FHIP2A: variants seen among roughly 807,000 people sequenced by gnomAD.
FHIP2A encodes the protein family with sequence similarity 160 member B1.
In FHIP2A, 46 loss-of-function variants were observed where a neutral mutation model predicts 93.5. That is an observed-to-expected ratio of 0.49 (90% CI 0.39 to 0.63). The LOEUF (loss-of-function observed/expected upper bound fraction) is 0.63, where lower values mean the gene tolerates loss of function less well. Among genes scored for constraint, FHIP2A ranks in the 20% least tolerant of loss-of-function variants. The pLI is 0.00. For missense variants in FHIP2A, 769 were observed against 909.7 expected (o/e 0.85, Z 1.99); for synonymous variants, 332 against 326.5 (o/e 1.02, Z -0.18).
At chr10:114,839,199 C>T (rs945312763) in intron 5 of FHIP2A, among the ~76,000 whole-genome samples, 1 of 152,114 alleles carries the variant, frequency 6.6e-6, no homozygotes, top group African/African-American at 2.4e-5. Flanking sequence ...GCAATCTCGG[C>T]TCACTGCAGC....
At chr10:114,867,168 C>T (rs950555300), downstream of FHIP2A, among the ~76,000 whole-genome samples, 2 of 149,470 alleles carry the variant, frequency 1.3e-5, no homozygotes, top group African/African-American at 5.0e-5. Flanking sequence ...GAGATCACGC[C>T]ACTGCACTCC....
chr10:114,836,229 G>A lies in FHIP2A; in HGVS notation c.505G>A (p.Val169Ile). ...GAAGCTGAAACAGGACCCCTACCTG[G>A]TTAACTTTTTCCTAGAGGTATGATA... is the stretch of plus-strand genomic sequence containing the variant. ...CAKLKQDPYL[V>I]NFFLENKMKS... Residue 169 changes from valine (V) to isoleucine (I), a missense_variant, in exon 5 of 17, where the codon GTT becomes ATT. Val to Ile is a conservative substitution (Grantham distance 29, BLOSUM62 3). Coordinates refer to ENST00000369248, the MANE Select transcript of FHIP2A (RefSeq NM_020940.4). The A allele has an allele frequency of 6.3e-7, 1 of 1,592,838 alleles. No homozygotes were observed. Among genetic ancestry groups the A allele is most frequent in the Admixed American group, 1.7e-5 (1 of 59,586 alleles).
At chr10:114,839,435 A>G (rs1177054378) in intron 5 of FHIP2A, among the ~76,000 whole-genome samples, 2 of 152,164 alleles carry the variant, frequency 1.3e-5, no homozygotes, top group Non-Finnish European at 2.9e-5. Context: ...CCAGAAATGC[A>G]GTTTTATTAC....
At chr10:114,859,279 G>A (rs989098106) in intron 14 of FHIP2A, among the ~76,000 whole-genome samples, 4 of 151,108 alleles carry the variant, frequency 2.6e-5, no homozygotes, top group East Asian at 1.9e-4. Context: ...TCATCGTAGC[G>A]TCTGTAGCTG....
chr10:114,865,610 A>AG (rs1487391846), downstream of FHIP2A, among the ~76,000 whole-genome samples: 1 of 152,150 alleles, frequency 6.6e-6, no homozygotes, highest in Non-Finnish European at 1.5e-5. Flanking sequence ...CTTCAAAAGA[A>AG]GCTACTTCAA....
At chr10:114,851,724 A>C (rs1315082774) in intron 13 of FHIP2A, among the ~76,000 whole-genome samples, 1 of 151,118 alleles carries the variant, frequency 6.6e-6, no homozygotes, top group African/African-American at 2.4e-5. Flanking sequence ...CAAAAAAAAA[A>C]AAAAAAAAAA....
At chr10:114,830,969 A>ATT in intron 2 of FHIP2A, 39 bp downstream of exon 2, 1 of 1,250,312 alleles carries the variant, frequency 8.0e-7, no homozygotes, top group East Asian at 2.5e-5. Context: ...AATTTGTGAA[A>ATT]GTTAAACAGA....
Position 114,830,928 on chromosome 10 carries a change from C to T in FHIP2A, c.122C>T (p.Ser41Leu). The change falls in exon 2 of 17, where the codon TCA becomes TTA. Residue 41 changes from serine (S) to leucine (L), a missense_variant and splice_region_variant. By Grantham distance (145) the Ser-to-Leu change is moderately radical. Coordinates refer to ENST00000369248, the MANE Select transcript of FHIP2A (RefSeq NM_020940.4). ...KAITHYYIET[S>L]DDKAPVTDTN... ...ATTACCCATTACTACATAGAGACTT[C>T]AGGTAAGGAACAATGCTGATATTAA... is the stretch of plus-strand genomic sequence containing the variant. 1 of 1,576,434 alleles carries T rather than the reference C, an allele frequency of 6.3e-7. No homozygotes were observed. Among genetic ancestry groups the T allele is most frequent in the South Asian group, 1.2e-5 (1 of 85,062 alleles).
At chr10:114,847,363 A>G (rs748962474) in intron 12 of FHIP2A, 130 bp downstream of exon 12, 216 of 718,098 alleles carry the variant, frequency 3.0e-4, no homozygotes, top group South Asian at 5.5e-4. Flanking sequence ...ATCTCTGCTC[A>G]CTGCAACCTC....
intron 1 of FHIP2A, among the ~76,000 whole-genome samples, chr10:114,825,520 A>G (rs528939809): frequency 1.3e-5 from 2 of 152,256 alleles, no homozygotes; most frequent in Admixed American, 6.5e-5. Context: ...CATTTTGAGT[A>G]TGGAAGATAA....
chr10:114,863,688 A>C lies in FHIP2A; in HGVS notation c.*2148A>C. 1 of 1,302,538 alleles carries C rather than the reference A, an allele frequency of 7.7e-7. No homozygotes were observed. Among genetic ancestry groups the C allele is most frequent in the South Asian group, 1.2e-5 (1 of 80,604 alleles). The allele number at this position is 1,302,538 out of a possible 1,614,324, so 80.7% of individuals were successfully genotyped here. A position where few individuals can be genotyped will look rare whatever the true frequency, so the allele number is the denominator to read the frequency against. On this transcript the variant is annotated 3_prime_UTR_variant, in exon 17 of 17. Coordinates refer to ENST00000369248, the MANE Select transcript of FHIP2A (RefSeq NM_020940.4). ...CAGTAGAAGCTCTCACAGTGAGTTC[A>C]ATTTGTTAGTGAAACATTGTACTGC... is the stretch of plus-strand genomic sequence containing the variant.
chr10:114,887,844 G>T (rs1345369971), intron 16 of FHIP2A, among the ~76,000 whole-genome samples: 2 of 152,192 alleles, frequency 1.3e-5, no homozygotes, highest in South Asian at 4.1e-4. Context: ...ATGTGATAAA[G>T]AATTAATATG....
At chr10:114,835,741 C>A in intron 4 of FHIP2A, 100 bp downstream of exon 4, 1 of 746,046 alleles carries the variant, frequency 1.3e-6, no homozygotes, top group Non-Finnish European at 2.1e-6. Context: ...TGAAATTATT[C>A]CAAAATTAAC....
chr10:114,860,991 TC>T, intron 15 of FHIP2A, 102 bp downstream of exon 15: 2 of 1,176,544 alleles, frequency 1.7e-6, no homozygotes, highest in South Asian at 2.8e-5. Context: ...GAAAAATATA[TC>T]TACTGCTTAA....
At chr10:114,865,677 A>G (rs1370559754), downstream of FHIP2A, among the ~76,000 whole-genome samples, 3 of 152,172 alleles carry the variant, frequency 2.0e-5, no homozygotes, top group African/African-American at 7.2e-5. Flanking sequence ...ACCTGCTTCA[A>G]ACTGTTAAGA....
At chr10:114,830,088 C>T (rs1033611967) in intron 1 of FHIP2A, among the ~76,000 whole-genome samples, 4 of 151,998 alleles carry the variant, frequency 2.6e-5, no homozygotes, top group African/African-American at 4.8e-5. Context: ...AATCTGATTA[C>T]GAAGTTGACT....
At chr10:114,825,987 G>C (rs2083573484) in intron 1 of FHIP2A, among the ~76,000 whole-genome samples, 1 of 152,184 alleles carries the variant, frequency 6.6e-6, no homozygotes, top group Non-Finnish European at 1.5e-5. Flanking sequence ...TCAAATTATA[G>C]TTAAGAGTTC....
intron 13 of FHIP2A, among the ~76,000 whole-genome samples, chr10:114,849,144 AAAAAAAAAAAG>A: frequency 6.6e-6 from 1 of 150,960 alleles, no homozygotes. Context: ...AAAAAAAAAA[AAAAAAAAAAAG>A]ACCTGGTCTC....
intron 16 of FHIP2A, among the ~76,000 whole-genome samples, chr10:114,893,370 A>G (rs12413794): frequency 0.014 from 2,061 of 152,366 alleles, 120 homozygotes; most frequent in Admixed American, 0.11. Flanking sequence ...AACTTGCTTC[A>G]GTGAACGTGC....
Sources: allele counts gnomAD v4.1 joint callset (sites outside exome capture counted in the v4.1 genomes callset), GRCh38; gene constraint gnomAD v4.1.1; transcripts MANE v1.5; gene names NCBI Gene and HGNC (gene_info 2026-07-23, HGNC 2026-07-21).